Variants in NDUFAF2 observed in about 807,000 individuals in gnomAD.
The protein encoded by NDUFAF2 is NADH:ubiquinone oxidoreductase complex assembly factor 2, also known as NADH dehydrogenase [ubiquinone] 1 alpha subcomplex assembly factor 2.
In NDUFAF2, 13 loss-of-function variants were observed where a neutral mutation model predicts 22.8. The ratio of observed to expected loss-of-function variants is 0.57; its 90% CI spans 0.37 to 0.91. The LOEUF (loss-of-function observed/expected upper bound fraction) is 0.91. Among genes scored for constraint, NDUFAF2 ranks in the 40% least tolerant of loss-of-function variants. The pLI is 0.01. For synonymous variants in NDUFAF2, 53 were observed against 64.2 expected (o/e 0.83, Z 0.84); for missense variants, 162 against 195.2 (o/e 0.83, Z 1.01).
intron 1 of NDUFAF2, chr5:61,050,492 G>A (rs2111697977): frequency 6.6e-6 from 1 of 152,170 alleles, no homozygotes; most frequent in East Asian, 1.9e-4. Flanking sequence ...AATCAGGAAA[G>A]CATGGCTTGG....
chr5:61,122,850 A>G (rs1221891979), intron 3 of NDUFAF2, among the ~76,000 whole-genome samples: 2 of 152,164 alleles, frequency 1.3e-5, no homozygotes, highest in African/African-American at 4.8e-5. Flanking sequence ...TAACAGGTGT[A>G]ACCTCATTAC....
At position 60,977,601 on chromosome 5, in the gene NDUFAF2, C is replaced by T. The variant is rs559019546; in HGVS notation, c.127+32219C>T. 1.6e-3 allele frequency among the ~76,000 whole-genome samples: 237 copies of T among 151,976 alleles called. 1 individual carries two copies. Among genetic ancestry groups the T allele is most frequent in the African/African-American group, 5.5e-3 (229 of 41,466 alleles). ...ACCAGTAATCAGCACTTTGGAAGGC[C>T]GAGGTGAGCAGATCACCTGAGGCCA... is the stretch of plus-strand genomic sequence containing the variant. On this transcript the variant is annotated intron_variant, in intron 1 of 3. Coordinates refer to ENST00000296597, the MANE Select transcript of NDUFAF2 (RefSeq NM_174889.5).
At chr5:61,056,152 G>T (rs542178661) in intron 1 of NDUFAF2, among the ~76,000 whole-genome samples, 1 of 152,128 alleles carries the variant, frequency 6.6e-6, no homozygotes. Context: ...ATAAAGAATT[G>T]TTCAACTCCA....
At chr5:61,007,745 A>C (rs552732850) in intron 1 of NDUFAF2, among the ~76,000 whole-genome samples, 2 of 152,290 alleles carry the variant, frequency 1.3e-5, no homozygotes, top group Admixed American at 6.5e-5. Flanking sequence ...TCAGTGTGGC[A>C]ATTCCTCAAG....
intron 1 of NDUFAF2, among the ~76,000 whole-genome samples, chr5:60,996,294 CA>C (rs1751227871): frequency 6.6e-6 from 1 of 152,104 alleles, no homozygotes; most frequent in Non-Finnish European, 1.5e-5. Flanking sequence ...GTCTTCAAGG[CA>C]GGGGGTTTCC....
At chr5:61,108,271 G>C (rs968263800) in intron 3 of NDUFAF2, among the ~76,000 whole-genome samples, 1 of 147,082 alleles carries the variant, frequency 6.8e-6, no homozygotes, top group African/African-American at 2.6e-5. Context: ...CTGAGGAATC[G>C]CCACACTGAC....
At chr5:60,970,481 G>T (rs913954517) in intron 1 of NDUFAF2, among the ~76,000 whole-genome samples, 2 of 151,954 alleles carry the variant, frequency 1.3e-5, no homozygotes, top group African/African-American at 4.8e-5. Flanking sequence ...TATTTTAGTT[G>T]TACTTATTAA....
chr5:61,130,536 C>T (rs1252410385), intron 3 of NDUFAF2, among the ~76,000 whole-genome samples: 2 of 152,054 alleles, frequency 1.3e-5, no homozygotes, highest in African/African-American at 2.4e-5. Context: ...TTCAGTCAAG[C>T]CCAGTCCAAG....
At chr5:61,034,912 A>ATGTGTGTGTGTGTG (rs1554080641) in intron 1 of NDUFAF2, among the ~76,000 whole-genome samples, 43 of 144,888 alleles carry the variant, frequency 3.0e-4, no homozygotes, top group Non-Finnish European at 4.5e-4. Flanking sequence ...GCAAATATAT[A>ATGTGTGTGTGTGTG]TGTGTGTGTG....
chr5:61,045,234 T>G (rs1414665819), intron 1 of NDUFAF2, among the ~76,000 whole-genome samples: 36 of 116,094 alleles, frequency 3.1e-4, no homozygotes, highest in Non-Finnish European at 5.4e-4. Context: ...TTATTAAATT[T>G]TAATAAAATA....
intron 1 of NDUFAF2, among the ~76,000 whole-genome samples, chr5:61,002,494 C>T (rs906322748): frequency 6.6e-6 from 1 of 152,116 alleles, no homozygotes; most frequent in African/African-American, 2.4e-5. Flanking sequence ...GTTCTTTCTT[C>T]TCCTCAACAT....
chr5:60,972,910 C>G (rs1383315140), intron 1 of NDUFAF2, among the ~76,000 whole-genome samples: 5 of 146,298 alleles, frequency 3.4e-5, no homozygotes, highest in Non-Finnish European at 7.5e-5. Context: ...GTTTCTTATT[C>G]TATTACTATC....
At chr5:61,109,088 A>T (rs1272429533) in intron 3 of NDUFAF2, among the ~76,000 whole-genome samples, 1 of 152,246 alleles carries the variant, frequency 6.6e-6, no homozygotes, top group East Asian at 1.9e-4. Context: ...CAATTCATGA[A>T]CATATAATAT....
intron 3 of NDUFAF2, among the ~76,000 whole-genome samples, chr5:61,120,417 G>A (rs2111797729): frequency 6.6e-6 from 1 of 152,148 alleles, no homozygotes; most frequent in Non-Finnish European, 1.5e-5. Flanking sequence ...TTTTAGGCAG[G>A]TCTTCCTAAG....
intron 3 of NDUFAF2, among the ~76,000 whole-genome samples, chr5:61,133,969 C>T (rs570167313): frequency 1.3e-5 from 2 of 152,194 alleles, no homozygotes; most frequent in Non-Finnish European, 2.9e-5. Flanking sequence ...GGTGAAAATA[C>T]GTAATTTGGC....
intron 1 of NDUFAF2, among the ~76,000 whole-genome samples, chr5:60,961,961 T>TA (rs539647979): frequency 0.012 from 1,685 of 142,550 alleles, 20 homozygotes; most frequent in South Asian, 0.058. Context: ...ACTCTTTCTC[T>TA]AAAAAAAAAA....
At chr5:60,985,964 T>C (rs1751069000) in intron 1 of NDUFAF2, among the ~76,000 whole-genome samples, 1 of 152,162 alleles carries the variant, frequency 6.6e-6, no homozygotes, top group South Asian at 2.1e-4. Flanking sequence ...TCATTCCAGC[T>C]AAATGGCTTG....
chr5:60,977,422 C>CA (rs11406731), intron 1 of NDUFAF2, among the ~76,000 whole-genome samples: 82,489 of 149,400 alleles, frequency 0.55, 24,365 homozygotes, highest in East Asian at 0.94. Context: ...GAGCTGTCTC[C>CA]AAAAAAAAAG....
chr5:60,979,862 G>A (rs1750953412), intron 1 of NDUFAF2, among the ~76,000 whole-genome samples: 1 of 152,186 alleles, frequency 6.6e-6, no homozygotes, highest in Non-Finnish European at 1.5e-5. Flanking sequence ...TCCTTAGTGA[G>A]ACCTCGTGTG....
Sources: allele counts gnomAD v4.1 joint callset (sites outside exome capture counted in the v4.1 genomes callset), GRCh38; gene constraint gnomAD v4.1.1; transcripts MANE v1.5; gene names NCBI Gene and HGNC (gene_info 2026-07-23, HGNC 2026-07-21).